Variants in JAKMIP1 observed in about 807,000 individuals in gnomAD.
JAKMIP1 encodes the protein janus kinase and microtubule-interacting protein 1.
In JAKMIP1, 33 loss-of-function variants were observed where a neutral mutation model predicts 113.0. That is an observed-to-expected ratio of 0.29 (90% confidence interval 0.22 to 0.39). The LOEUF is 0.39. Among genes scored for constraint, JAKMIP1 ranks in the 10% least tolerant of loss-of-function variants. The probability of loss-of-function intolerance (pLI) is 1.00; values close to 1 mark genes in which losing one functional copy is unlikely to be tolerated. For synonymous variants in JAKMIP1, 480 were observed against 459.9 expected (o/e 1.04, Z -0.56); for missense variants, 813 against 1,080.5 (o/e 0.75, Z 3.47).
rs1726274203 is a variant in JAKMIP1, at chr4:6,183,444, A to G, written c.-148+16809T>C. Among the ~76,000 whole-genome samples the G allele has an allele frequency of 7.4e-6, 1 of 135,286 alleles. No homozygotes were observed. Among genetic ancestry groups the G allele is most frequent in the Non-Finnish European group, 1.7e-5 (1 of 60,488 alleles). The allele number at this position is 135,286 out of a possible 152,430, so 88.8% of individuals were successfully genotyped here. A position where few individuals can be genotyped will look rare whatever the true frequency, so the allele number is the denominator to read the frequency against. On this transcript the variant is annotated intron_variant, in intron 1 of 20. Transcript: ENST00000409021. This position sits in a 1 kb window ranked among gnomAD's most constrained non-coding sequence, Gnocchi z 5.3. ...CAGTGAGCCAAGATCATGCCATTGCACTCCAGCCTGGGTGACAGAGCAAGA... is the reference window on the plus strand; with the variant it reads ...CAGTGAGCCAAGATCATGCCATTGCGCTCCAGCCTGGGTGACAGAGCAAGA...
Position 6,065,138 on chromosome 4 carries a change from C to A in JAKMIP1, c.1303-130G>T. The A allele has an allele frequency of 8.7e-7, 1 of 1,155,992 alleles. No homozygotes were observed. Among genetic ancestry groups the A allele is most frequent in the Non-Finnish European group, 1.3e-6 (1 of 788,914 alleles). 71.6% of individuals were successfully genotyped at this position (1,155,992 alleles called of 1,614,324 possible). ...TGGGCCACTGGGGCATCACAAGATGCGGTTGGTGGGCTTCGTAACTGACTG... is the reference window on the plus strand; with the variant it reads ...TGGGCCACTGGGGCATCACAAGATGAGGTTGGTGGGCTTCGTAACTGACTG... On this transcript the variant is annotated intron_variant, in intron 8 of 20. Transcript: ENST00000409021. The surrounding 1 kb of genome is among the most constrained non-coding windows in gnomAD (Gnocchi z 5.1).
intron 1 of JAKMIP1, among the ~76,000 whole-genome samples, chr4:6,169,980 TACC>T (rs200501521): frequency 0.035 from 3,740 of 107,708 alleles, 91 homozygotes; most frequent in African/African-American, 0.1. Context: ...CCACCACCAC[TACC>T]ACCACCACCA....
chr4:6,200,031 G>A lies in JAKMIP1; in HGVS notation c.-148+222C>T, dbSNP rs1052175844. Among the ~76,000 whole-genome samples the A allele has an allele frequency of 6.0e-4, 90 of 150,290 alleles. No homozygotes were observed. The highest frequency in any genetic ancestry group is 2.1e-3 in the African/African-American group (86 of 40,932). On this transcript the variant is annotated intron_variant, in intron 1 of 20. Transcript: ENST00000409021. The surrounding 1 kb of genome is among the most constrained non-coding windows in gnomAD (Gnocchi z 7.0). ...TTTGCAAGGGGGTCTGAAGAGGAGTGGGGGATGGGTATGGAAGGGTGGGGG... is the reference window on the plus strand; with the variant it reads ...TTTGCAAGGGGGTCTGAAGAGGAGTAGGGGATGGGTATGGAAGGGTGGGGG...
intron 1 of JAKMIP1, among the ~76,000 whole-genome samples, chr4:6,151,501 A>T (rs1289079419): frequency 6.6e-6 from 1 of 151,466 alleles, no homozygotes; most frequent in Non-Finnish European, 1.5e-5. Flanking sequence ...TTGCTTACCC[A>T]CCATTCTCAC....
At chr4:6,043,319 C>T (rs538862120) in intron 16 of JAKMIP1, among the ~76,000 whole-genome samples, 56 of 152,134 alleles carry the variant, frequency 3.7e-4, no homozygotes, top group African/African-American at 1.3e-3. Flanking sequence ...CCCAGGCTCC[C>T]CCAGCTTCCT....
chr4:6,126,428 C>T (rs1717645505), intron 1 of JAKMIP1, among the ~76,000 whole-genome samples: 2 of 151,446 alleles, frequency 1.3e-5, no homozygotes, highest in Admixed American at 6.6e-5. Context: ...CAGAAACACA[C>T]ACACACAAAC....
chr4:6,138,865 G>A lies in JAKMIP1; in HGVS notation c.-147-25868C>T, dbSNP rs575607963. On this transcript the variant is annotated intron_variant, in intron 1 of 20. Transcript: ENST00000409021. This position sits in a 1 kb window ranked among gnomAD's most constrained non-coding sequence, Gnocchi z 6.0. ...TACCTGCCCCGGCAAAAGCGAATGC[G>A]CACAGAGCACTTTCAACAGAGCAAG... 9.9e-5 allele frequency among the ~76,000 whole-genome samples: 15 copies of A among 152,246 alleles called. No individual in the cohort carries two copies. The highest frequency in any genetic ancestry group is 4.1e-4 in the South Asian group (2 of 4,822).
In JAKMIP1 at chr4:6,141,633, C is replaced by T. The variant is rs1319480044; in HGVS notation, c.-147-28636G>A. 6.6e-6 allele frequency among the ~76,000 whole-genome samples: 1 copy of T among 152,184 alleles called. No homozygotes were observed. Among genetic ancestry groups the T allele is most frequent in the South Asian group, 2.1e-4 (1 of 4,828 alleles). ...GTGAATGCCCTTTCTCCTCCACTCC[C>T]AAATCCACATGATTCTCCATCTTAA... On this transcript the variant is annotated intron_variant, in intron 1 of 20. Coordinates refer to ENST00000409021, the MANE Select transcript of JAKMIP1 (RefSeq NM_001099433.2). The surrounding 1 kb of genome is among the most constrained non-coding windows in gnomAD (Gnocchi z 9.4).
intron 3 of JAKMIP1, among the ~76,000 whole-genome samples, chr4:6,102,879 G>A (rs9998387): frequency 0.077 from 11,610 of 151,400 alleles, 559 homozygotes; most frequent in Non-Finnish European, 0.11. Context: ...GACTACAGGC[G>A]CCCACCACTG....
chr4:6,188,347 C>A lies in JAKMIP1; in HGVS notation c.-148+11906G>T, dbSNP rs965526454. Among the ~76,000 whole-genome samples, 5 of 152,206 alleles carry A rather than the reference C, an allele frequency of 3.3e-5. No individual in the cohort carries two copies. The highest frequency in any genetic ancestry group is 1.2e-4 in the African/African-American group (5 of 41,454). ...GATGGTCAGGATTCAGAACAGAATC[C>A]GCAATGATGGCGTTTTCAAGTGCTG... On this transcript the variant is annotated intron_variant, in intron 1 of 20. Coordinates refer to ENST00000409021, the MANE Select transcript of JAKMIP1 (RefSeq NM_001099433.2). This position sits in a 1 kb window ranked among gnomAD's most constrained non-coding sequence, Gnocchi z 5.8.
In JAKMIP1 at chr4:6,137,592, T is replaced by G. The variant is rs1560254835; in HGVS notation, c.-147-24595A>C. Among the ~76,000 whole-genome samples the G allele has an allele frequency of 6.6e-6, 1 of 152,110 alleles. No homozygotes were observed. Among genetic ancestry groups the G allele is most frequent in the African/African-American group, 2.4e-5 (1 of 41,408 alleles). ...TCGAGAGACGCTCTTTTTCAGCCAA[T>G]CCACACTCTCTCCGCACCTGGAGGC... On this transcript the variant is annotated intron_variant, in intron 1 of 20. Transcript: ENST00000409021. This position sits in a 1 kb window ranked among gnomAD's most constrained non-coding sequence, Gnocchi z 4.5.
At chr4:6,030,603 C>A (rs528106953) in intron 19 of JAKMIP1, among the ~76,000 whole-genome samples, 1 of 152,214 alleles carries the variant, frequency 6.6e-6, no homozygotes, top group Non-Finnish European at 1.5e-5. Context: ...AAGGTGGGTA[C>A]CCCTGGGGCA....
intron 8 of JAKMIP1, among the ~76,000 whole-genome samples, chr4:6,071,086 T>C (rs1212970870): frequency 6.6e-6 from 1 of 152,276 alleles, no homozygotes; most frequent in African/African-American, 2.4e-5. Flanking sequence ...AGTTCATGTA[T>C]GTTTCAACTT....
rs978788281 is a variant in JAKMIP1, at chr4:6,185,422, C to T, written c.-148+14831G>A. Among the ~76,000 whole-genome samples, 2 of 151,876 alleles carry T rather than the reference C, an allele frequency of 1.3e-5. No homozygotes were observed. Among genetic ancestry groups the T allele is most frequent in the South Asian group, 2.1e-4 (1 of 4,806 alleles). ...CAGCACTTTGGGAGGCCGAGGTGGG[C>T]GGATCATGAGGTCAGGAGATCGAGA... On this transcript the variant is annotated intron_variant, in intron 1 of 20. Coordinates refer to ENST00000409021, the MANE Select transcript of JAKMIP1 (RefSeq NM_001099433.2). The surrounding 1 kb of genome is among the most constrained non-coding windows in gnomAD (Gnocchi z 5.3).
rs1039245732 is a variant in JAKMIP1, at chr4:6,184,611, C to G, written c.-148+15642G>C. Among the ~76,000 whole-genome samples the G allele has an allele frequency of 5.3e-5, 8 of 152,160 alleles. No individual in the cohort carries two copies. The highest frequency in any genetic ancestry group is 8.8e-5 in the Non-Finnish European group (6 of 68,034). On this transcript the variant is annotated intron_variant, in intron 1 of 20. Coordinates refer to ENST00000409021, the MANE Select transcript of JAKMIP1 (RefSeq NM_001099433.2). This position sits in a 1 kb window ranked among gnomAD's most constrained non-coding sequence, Gnocchi z 4.5. The stretch of plus-strand genomic sequence containing the variant: ...TGTCTGCACTCTAGGAAACAAGGGT[C>G]CCCCGCGCTCACCTGTAGATTCAGC...
chr4:6,188,784 C>T lies in JAKMIP1; in HGVS notation c.-148+11469G>A, dbSNP rs1190341851. On this transcript the variant is annotated intron_variant, in intron 1 of 20. Coordinates refer to ENST00000409021, the MANE Select transcript of JAKMIP1 (RefSeq NM_001099433.2). The surrounding 1 kb of genome is among the most constrained non-coding windows in gnomAD (Gnocchi z 5.8). ...TTTGTCCCTATAGAAAAATCCGGGGCTCTGCAATACACAGGCTCTCACAGA... is the reference window on the plus strand; with the variant it reads ...TTTGTCCCTATAGAAAAATCCGGGGTTCTGCAATACACAGGCTCTCACAGA... Among the ~76,000 whole-genome samples, 1 of 152,182 alleles carries T rather than the reference C, an allele frequency of 6.6e-6. No individual in the cohort carries two copies. The highest frequency in any genetic ancestry group is 1.9e-4 in the East Asian group (1 of 5,198).
In JAKMIP1 at chr4:6,052,650, T is replaced by TAAA. The variant is rs762425260; in HGVS notation, c.1806+1397_1806+1399dup. On this transcript the variant is annotated intron_variant, in intron 13 of 20. Coordinates refer to ENST00000409021, the MANE Select transcript of JAKMIP1 (RefSeq NM_001099433.2). ...TGGGTGACAGAGCGAGACTCTGTCC[T>TAAA]AAAAAAAAAAAAAAAAAAAAAAAAG... 2.4e-3 allele frequency among the ~76,000 whole-genome samples: 132 copies of TAAA among 53,936 alleles called. 2 individuals are homozygous for TAAA. The highest frequency in any genetic ancestry group is 8.6e-3 in the African/African-American group (115 of 13,446). 35.4% of individuals were successfully genotyped at this position (53,936 alleles called of 152,430 possible).
At chr4:6,104,791 C>G (rs577775568) in intron 3 of JAKMIP1, among the ~76,000 whole-genome samples, 3 of 152,210 alleles carry the variant, frequency 2.0e-5, no homozygotes, top group South Asian at 2.1e-4. Context: ...CCAGCCTCCC[C>G]CTTCACTCCA....
At chr4:6,090,232 A>G (rs1405197589) in intron 3 of JAKMIP1, among the ~76,000 whole-genome samples, 1 of 151,694 alleles carries the variant, frequency 6.6e-6, no homozygotes, top group East Asian at 1.9e-4. Flanking sequence ...AAAAAAAAAA[A>G]GAAGAAAAAG....
Sources: allele counts gnomAD v4.1 joint callset (sites outside exome capture counted in the v4.1 genomes callset), GRCh38; gene constraint gnomAD v4.1.1; non-coding constraint Gnocchi (gnomAD v3.1); transcripts MANE v1.5; gene names NCBI Gene and HGNC (gene_info 2026-07-23, HGNC 2026-07-21).